LOC400499: variants seen among roughly 807,000 people sequenced by gnomAD.
the LOC400499 span, chr16:11,392,449 G>C: frequency 7.5e-5 from 30 of 398,826 alleles, no homozygotes; most frequent in Admixed American, 3.1e-4. Flanking sequence ...CCTCCGCCTC[G>C]GCTGTCCGCC....
the LOC400499 span, among the ~76,000 whole-genome samples, chr16:11,451,141 C>T: frequency 7.2e-5 from 11 of 152,178 alleles, no homozygotes; most frequent in Admixed American, 6.5e-4. Flanking sequence ...TTCAACTGCA[C>T]GGAAAAAATA....
chr16:11,448,598 G>C, the LOC400499 span, among the ~76,000 whole-genome samples: 2 of 152,138 alleles, frequency 1.3e-5, no homozygotes, highest in Non-Finnish European at 2.9e-5. Context: ...TGAGTGGCAT[G>C]TGCCTATAGT....
chr16:11,430,025 C>T, the LOC400499 span, among the ~76,000 whole-genome samples: 1 of 152,142 alleles, frequency 6.6e-6, no homozygotes, highest in Non-Finnish European at 1.5e-5. Flanking sequence ...GAGATCAAAG[C>T]TAATGTCACC....
At chr16:11,451,583 AAAC>A in the LOC400499 span, among the ~76,000 whole-genome samples, 2,627 of 149,384 alleles carry the variant, frequency 0.018, 76 homozygotes, top group African/African-American at 0.061. Flanking sequence ...AACAAACAAA[AAAC>A]CAAACAAAAA....
the LOC400499 span, among the ~76,000 whole-genome samples, chr16:11,432,711 T>TC: frequency 2.0e-5 from 3 of 152,306 alleles, no homozygotes; most frequent in Middle Eastern, 3.4e-3. Context: ...TGGAGAGATT[T>TC]CCCTTGAGCT....
chr16:11,423,419 C>T, the LOC400499 span, among the ~76,000 whole-genome samples: 3 of 152,226 alleles, frequency 2.0e-5, no homozygotes, highest in African/African-American at 7.2e-5. Flanking sequence ...GGCGAAGCCA[C>T]GGCATCATCA....
chr16:11,378,108 G>T, the LOC400499 span, among the ~76,000 whole-genome samples: 1 of 152,108 alleles, frequency 6.6e-6, no homozygotes, highest in African/African-American at 2.4e-5. Flanking sequence ...TGGTTTGAGA[G>T]CTTTTCCTTT....
the LOC400499 span, among the ~76,000 whole-genome samples, chr16:11,515,063 G>A: frequency 0.044 from 6,628 of 152,182 alleles, 489 homozygotes; most frequent in African/African-American, 0.15. Context: ...TCCAGCACTT[G>A]GGGAAGCCAA....
At chr16:11,384,417 G>A in the LOC400499 span, 3 of 607,244 alleles carry the variant, frequency 4.9e-6, no homozygotes, top group South Asian at 8.4e-5. Flanking sequence ...TGTGTGAGAT[G>A]AGCCTGAAGC....
At chr16:11,387,056 C>T in the LOC400499 span, 19 of 1,218,266 alleles carry the variant, frequency 1.6e-5, no homozygotes, top group Admixed American at 4.2e-5. Context: ...TCCCTGTGCC[C>T]AGGAGGCAGG....
At chr16:11,394,408 G>C in the LOC400499 span, among the ~76,000 whole-genome samples, 3 of 152,196 alleles carry the variant, frequency 2.0e-5, no homozygotes, top group African/African-American at 7.2e-5. Flanking sequence ...AACAAGCTGT[G>C]CACCCTTCAG....
the LOC400499 span, among the ~76,000 whole-genome samples, chr16:11,396,110 C>T: frequency 5.3e-5 from 8 of 152,224 alleles, no homozygotes; most frequent in Non-Finnish European, 8.8e-5. Context: ...TCTATGCCTA[C>T]GACTATATTT....
chr16:11,487,623 C>T, the LOC400499 span, among the ~76,000 whole-genome samples: 4 of 152,200 alleles, frequency 2.6e-5, no homozygotes, highest in African/African-American at 9.7e-5. Context: ...GAGCACCCGA[C>T]CCCCAACCCC....
the LOC400499 span, among the ~76,000 whole-genome samples, chr16:11,480,999 G>C: frequency 6.6e-6 from 1 of 152,332 alleles, no homozygotes; most frequent in East Asian, 1.9e-4. Flanking sequence ...ACATCCATAC[G>C]ATGAAATATG....
chr16:11,527,169 C>T, the LOC400499 span, among the ~76,000 whole-genome samples: 1 of 152,320 alleles, frequency 6.6e-6, no homozygotes, highest in East Asian at 1.9e-4. Flanking sequence ...CCCACGGGGG[C>T]CGGCATCACT....
the LOC400499 span, among the ~76,000 whole-genome samples, chr16:11,395,267 G>C: frequency 1.9e-3 from 288 of 152,312 alleles, 2 homozygotes; most frequent in African/African-American, 6.4e-3. Context: ...CACTGGGTTG[G>C]GGTGAGCAAG....
chr16:11,444,361 C>T, the LOC400499 span, among the ~76,000 whole-genome samples: 1 of 152,058 alleles, frequency 6.6e-6, no homozygotes, highest in African/African-American at 2.4e-5. Flanking sequence ...ATGATCGCAC[C>T]CCTGCCCTCC....
chr16:11,395,689 G>A, the LOC400499 span, among the ~76,000 whole-genome samples: 53 of 152,198 alleles, frequency 3.5e-4, no homozygotes, highest in Non-Finnish European at 6.0e-4. Context: ...CAAGGGAGAT[G>A]GTATTTGTTC....
chr16:11,436,421 G>C, the LOC400499 span, among the ~76,000 whole-genome samples: 5 of 152,076 alleles, frequency 3.3e-5, no homozygotes, highest in Admixed American at 2.6e-4. Context: ...GTGGGGAGGG[G>C]AGCAGTGGAG....
Sources: allele counts gnomAD v4.1 joint callset (sites outside exome capture counted in the v4.1 genomes callset), GRCh38; gene constraint gnomAD v4.1.1; transcripts MANE v1.5.